Variants in ATF2 observed in about 807,000 individuals in gnomAD.
ATF2 encodes cyclic AMP-dependent transcription factor ATF-2.
A neutral mutation model predicts 60.6 loss-of-function variants in ATF2; 24 were observed. The observed-to-expected ratio is 0.40, with a 90% CI of 0.29 to 0.56. The LOEUF (loss-of-function observed/expected upper bound fraction) is 0.56. Ranked by LOEUF, ATF2 falls within the 20% of genes least tolerant of loss-of-function variation. The pLI, the probability that ATF2 is intolerant of heterozygous loss-of-function variation, is 0.54. For synonymous variants in ATF2, 206 were observed against 215.4 expected (o/e 0.96, Z 0.38); for missense variants, 433 against 607.7 (o/e 0.71, Z 3.02).
chr2:175,125,855 T>G (rs991497009), intron 4 of ATF2, among the ~76,000 whole-genome samples: 3 of 152,166 alleles, frequency 2.0e-5, no homozygotes, highest in African/African-American at 7.2e-5. Flanking sequence ...CATCCTCTCC[T>G]AGCTATTTAA....
chr2:175,099,102 CTTTTT>C (rs35356799), intron 10 of ATF2, among the ~76,000 whole-genome samples: 16 of 113,580 alleles, frequency 1.4e-4, no homozygotes, highest in African/African-American at 5.3e-4. Context: ...TATTAAATTT[CTTTTT>C]TTTTTTTTTT....
intron 7 of ATF2, among the ~76,000 whole-genome samples, chr2:175,115,747 A>C (rs1381259854): frequency 6.6e-6 from 1 of 152,202 alleles, no homozygotes; most frequent in Admixed American, 6.5e-5. Context: ...AAGAGACAAT[A>C]AACAAGTAAA....
intron 5 of ATF2, 27 bp from the exon 6 acceptor site, chr2:175,118,396 T>G: frequency 1.9e-6 from 3 of 1,562,854 alleles, no homozygotes; most frequent in Non-Finnish European, 2.6e-6. Flanking sequence ...GAAGTAATCA[T>G]GCATATTTAA....
intron 1 of ATF2, among the ~76,000 whole-genome samples, chr2:175,165,022 C>G (rs967494169): frequency 4.6e-5 from 7 of 151,858 alleles, no homozygotes; most frequent in Non-Finnish European, 1.0e-4. Flanking sequence ...GTGGTTTCAC[C>G]ATGTTGGCCA....
At chr2:175,157,448 T>C (rs928450719) in intron 1 of ATF2, among the ~76,000 whole-genome samples, 2 of 152,082 alleles carry the variant, frequency 1.3e-5, no homozygotes, top group Admixed American at 6.5e-5. Context: ...GGGAGGAACA[T>C]TGGAAACTGA....
chr2:175,075,715 T>C (rs1360691164), intron 13 of ATF2, among the ~76,000 whole-genome samples: 2 of 152,124 alleles, frequency 1.3e-5, no homozygotes, highest in Admixed American at 1.3e-4. Flanking sequence ...AGAGAGAACA[T>C]TGCCATTAAC....
chr2:175,088,271 C>T (rs984233928), intron 12 of ATF2, among the ~76,000 whole-genome samples: 3 of 152,092 alleles, frequency 2.0e-5, no homozygotes, highest in African/African-American at 7.2e-5. Flanking sequence ...AGTGGAAAAA[C>T]GTGGAAGATA....
At chr2:175,114,466 C>T (rs1696410588) in intron 8 of ATF2, 4 of 1,262,508 alleles carry the variant, frequency 3.2e-6, no homozygotes, top group African/African-American at 1.5e-5. Context: ...ATAAGACTAT[C>T]TTAAATTCAC....
At chr2:175,076,707 A>G (rs1471125078) in intron 13 of ATF2, among the ~76,000 whole-genome samples, 1 of 152,040 alleles carries the variant, frequency 6.6e-6, no homozygotes, top group Non-Finnish European at 1.5e-5. Flanking sequence ...ACTGGAGGGA[A>G]TACTAAAAAG....
Position 175,156,377 on chromosome 2 carries a change from C to CAA in ATF2, c.-142-5221_-142-5220dup, listed in dbSNP as rs57399474. On this transcript the variant is annotated intron_variant, in intron 1 of 13. Coordinates refer to ENST00000264110, the MANE Select transcript of ATF2 (RefSeq NM_001880.4). ...CAGAGCAAGACTCTGTCTCAAAAAA[C>CAA]AAAAAAAAAAAAAAAAAAAAAAAAA... Among the ~76,000 whole-genome samples, 55 of 56,016 alleles carry CAA rather than the reference C, an allele frequency of 9.8e-4. 1 individual carries two copies. Among genetic ancestry groups the CAA allele is most frequent in the Admixed American group, 1.7e-3 (8 of 4,648 alleles). The allele number at this position is 56,016 out of a possible 152,430, so 36.7% of individuals were successfully genotyped here.
At chr2:175,084,057 A>G (rs1274532178) in intron 12 of ATF2, among the ~76,000 whole-genome samples, 1 of 152,208 alleles carries the variant, frequency 6.6e-6, no homozygotes, top group East Asian at 1.9e-4. Context: ...ACTGTAAACT[A>G]GTTCAACCAT....
At position 175,073,782 on chromosome 2, in the gene ATF2, C is replaced by T. The variant is rs192742819; in HGVS notation, c.*827G>A. ...ATCTGTAAAAACAACAACAAAAAAA[C>T]CAAAAACAAGAGCTAATTTCAAAAA... On this transcript the variant is annotated 3_prime_UTR_variant, in exon 14 of 14. Coordinates refer to ENST00000264110, the MANE Select transcript of ATF2 (RefSeq NM_001880.4). The T allele has an allele frequency of 9.2e-5, 14 of 151,826 alleles. No individual in the cohort carries two copies. The highest frequency in any genetic ancestry group is 2.0e-4 in the Admixed American group (3 of 15,208). The allele number at this position is 151,826 out of a possible 1,614,324, so 9.4% of individuals were successfully genotyped here.
chr2:175,084,669 A>G (rs550084030), intron 12 of ATF2, among the ~76,000 whole-genome samples: 1 of 152,200 alleles, frequency 6.6e-6, no homozygotes, highest in African/African-American at 2.4e-5. Flanking sequence ...TAAAAAAAAA[A>G]AGAATGCATA....
chr2:175,111,350 A>G (rs1381194680), intron 10 of ATF2, among the ~76,000 whole-genome samples: 1 of 152,244 alleles, frequency 6.6e-6, no homozygotes, highest in East Asian at 1.9e-4. Flanking sequence ...GACAAGAAAC[A>G]GAACTTCTAA....
At chr2:175,148,267 A>C (rs1225036539) in intron 2 of ATF2, among the ~76,000 whole-genome samples, 1 of 152,090 alleles carries the variant, frequency 6.6e-6, no homozygotes, top group Non-Finnish European at 1.5e-5. Context: ...TCCATTCCCT[A>C]AATACCTAGC....
At chr2:175,152,193 G>A (rs1699355723) in intron 1 of ATF2, among the ~76,000 whole-genome samples, 1 of 152,106 alleles carries the variant, frequency 6.6e-6, no homozygotes, top group Non-Finnish European at 1.5e-5. Context: ...GAGATGGCTT[G>A]GCAAACTACT....
chr2:175,136,429 T>A lies in ATF2; in HGVS notation c.15A>T (p.Leu5Phe). 1 of 1,610,218 alleles carries A rather than the reference T, an allele frequency of 6.2e-7. No homozygotes were observed. Among genetic ancestry groups the A allele is most frequent in the Non-Finnish European group, 8.5e-7 (1 of 1,178,326 alleles). ...ACACATACCTGGCAGAATTCACATG[T>A]AACTTGAATTTCATAAGTTGAATAA... Reference protein sequence around the residue: MKFKLHVNSARQYKD... With the variant: MKFKFHVNSARQYKD... The change falls in exon 3 of 14, where the codon TTA becomes TTT. Residue 5 changes from leucine to phenylalanine, a missense_variant. This residue lies in a region of ATF2 where 20 missense variants were observed against 16.9 expected (regional missense o/e 1.19). Coordinates refer to ENST00000264110, the MANE Select transcript of ATF2 (RefSeq NM_001880.4).
intron 13 of ATF2, among the ~76,000 whole-genome samples, chr2:175,075,412 C>T (rs1693225555): frequency 1.3e-5 from 2 of 152,166 alleles, no homozygotes; most frequent in African/African-American, 4.8e-5. Flanking sequence ...ATCTAAATGC[C>T]ACCAGCTGTT....
chr2:175,086,075 T>G (rs1694149147), intron 12 of ATF2, among the ~76,000 whole-genome samples: 1 of 152,176 alleles, frequency 6.6e-6, no homozygotes, highest in South Asian at 2.1e-4. Flanking sequence ...CAGAAATGGT[T>G]AAGAAATAAA....
Sources: allele counts gnomAD v4.1 joint callset (sites outside exome capture counted in the v4.1 genomes callset), GRCh38; gene constraint gnomAD v4.1.1; regional missense constraint gnomAD v4.1.1; transcripts MANE v1.5; gene names NCBI Gene and HGNC (gene_info 2026-07-23, HGNC 2026-07-21).